Variants in CNBD2 observed in about 807,000 individuals in gnomAD.
The protein encoded by CNBD2 is cyclic nucleotide-binding domain-containing protein 2.
In CNBD2, 64 loss-of-function variants were observed where a neutral mutation model predicts 63.7. That is an observed-to-expected ratio of 1.00 (90% CI 0.82 to 1.24). CNBD2 has a LOEUF of 1.24. Ranked by LOEUF, CNBD2 falls within the 50% of genes most tolerant of loss-of-function variation. CNBD2 has a pLI of 0.00. For missense variants in CNBD2, 691 were observed against 713.5 expected (o/e 0.97, Z 0.36); for synonymous variants, 229 against 255.4 (o/e 0.90, Z 0.99).
rs147001245 is a variant in CNBD2 at position 35,987,667 on chromosome 20, T to C, written c.855+134T>C. ...ATTCACTTCCTTCTCAGAGTTTCCA[T>C]GTCCCAGCTGTAAGAGGCCTGCCTC... is the stretch of plus-strand genomic sequence containing the variant. On this transcript the variant is annotated intron_variant, in intron 7 of 11. Coordinates refer to ENST00000373973, the MANE Select transcript of CNBD2 (RefSeq NM_001365709.1). The C allele has an allele frequency of 9.6e-4, 951 of 985,904 alleles. 9 individuals carry two copies. In the African/African-American group the frequency reaches 0.014, roughly 14 times the overall value. The allele number at this position is 985,904 out of a possible 1,614,324, so 61.1% of individuals were successfully genotyped here. A position where few individuals can be genotyped will look rare whatever the true frequency, so the allele number is the denominator to read the frequency against.
At chr20:35,964,341 C>T (rs914647887), upstream of CNBD2, among the ~76,000 whole-genome samples, 14 of 152,048 alleles carry the variant, frequency 9.2e-5, no homozygotes, top group African/African-American at 1.4e-4. Context: ...CCACCATGCC[C>T]GGCTAATTTT....
chr20:35,963,591 G>A (rs1207301965), upstream of CNBD2, among the ~76,000 whole-genome samples: 3 of 151,446 alleles, frequency 2.0e-5, no homozygotes, highest in African/African-American at 7.3e-5. Context: ...CAGTAAGCCA[G>A]GGTCGTGCCA....
At chr20:36,024,794 G>A (rs2057263813) in intron 11 of CNBD2, among the ~76,000 whole-genome samples, 1 of 151,994 alleles carries the variant, frequency 6.6e-6, no homozygotes, top group Non-Finnish European at 1.5e-5. Context: ...ACACCACCGG[G>A]TGTGGTGGCG....
chr20:36,023,289 C>T (rs1233825702), intron 10 of CNBD2, among the ~76,000 whole-genome samples: 1 of 152,258 alleles, frequency 6.6e-6, no homozygotes, highest in Middle Eastern at 3.4e-3. Context: ...CTTTGGGAGA[C>T]CGAGGCGGGT....
chr20:36,006,914 G>A (rs927998475), intron 8 of CNBD2, among the ~76,000 whole-genome samples: 10 of 152,122 alleles, frequency 6.6e-5, no homozygotes, highest in South Asian at 2.1e-4. Context: ...TACAGGCCAG[G>A]CATGGTGGCT....
intron 2 of CNBD2, among the ~76,000 whole-genome samples, chr20:35,962,525 G>A (rs2056316812): frequency 6.6e-6 from 1 of 152,130 alleles, no homozygotes; most frequent in African/African-American, 2.4e-5. Context: ...CTCCCAAAGT[G>A]CTGGGATTAC....
intron 2 of CNBD2, among the ~76,000 whole-genome samples, chr20:35,962,383 C>T (rs1332736671): frequency 5.3e-5 from 8 of 151,992 alleles, no homozygotes; most frequent in East Asian, 3.9e-4. Flanking sequence ...CTCAGCCTCC[C>T]GAGTAGCTGG....
chr20:35,998,412 A>G (rs2056854864), intron 8 of CNBD2, among the ~76,000 whole-genome samples: 1 of 152,142 alleles, frequency 6.6e-6, no homozygotes, highest in Admixed American at 6.5e-5. Context: ...AACTTGTTTT[A>G]TGGTCCAGAA....
At chr20:36,026,129 G>A (rs1048439292) in intron 11 of CNBD2, among the ~76,000 whole-genome samples, 6 of 152,072 alleles carry the variant, frequency 3.9e-5, no homozygotes, top group African/African-American at 1.4e-4. Context: ...TGCCTCCCGG[G>A]CTCAAGTGAT....
chr20:35,954,468 C>T (rs779165480), upstream of CNBD2: 1 of 1,547,604 alleles, frequency 6.5e-7, no homozygotes, highest in South Asian at 1.2e-5. Context: ...GAAGCGCCTG[C>T]GGCAGCCGGA....
chr20:35,957,734 G>A (rs1330884976), downstream of CNBD2: 1 of 152,202 alleles, frequency 6.6e-6, no homozygotes, highest in African/African-American at 2.4e-5. Context: ...GAGAAACCAA[G>A]ATGTCAGAAG....
chr20:35,958,443 T>C (rs2056278825), downstream of CNBD2, among the ~76,000 whole-genome samples: 1 of 152,070 alleles, frequency 6.6e-6, no homozygotes. Flanking sequence ...AAAAAATAAA[T>C]AAGTTTTTTA....
intron 7 of CNBD2, among the ~76,000 whole-genome samples, chr20:35,991,877 C>G (rs1054083287): frequency 6.6e-6 from 1 of 151,842 alleles, no homozygotes; most frequent in Non-Finnish European, 1.5e-5. Context: ...CTCATTTCTT[C>G]TTCTTTTATT....
At chr20:35,958,731 C>T (rs1011285564), downstream of CNBD2, 1 of 152,160 alleles carries the variant, frequency 6.6e-6, no homozygotes, top group Non-Finnish European at 1.5e-5. Flanking sequence ...TGTCTGATCA[C>T]CACAGAGATC....
chr20:36,006,604 A>G (rs984008953), intron 8 of CNBD2, among the ~76,000 whole-genome samples: 2 of 152,028 alleles, frequency 1.3e-5, no homozygotes, highest in East Asian at 3.9e-4. Flanking sequence ...TTTTGTAGAG[A>G]CGGGGGTTTG....
At chr20:35,960,625 T>C (rs2056298758) in intron 2 of CNBD2, among the ~76,000 whole-genome samples, 1 of 152,180 alleles carries the variant, frequency 6.6e-6, no homozygotes, top group African/African-American at 2.4e-5. Flanking sequence ...AGTGCTGGGA[T>C]TACAGGCGTG....
rs781431539 is a variant in CNBD2 at position 36,030,649 on chromosome 20, T to C, written c.*1T>C. 74 of 1,613,876 alleles carry C rather than the reference T, an allele frequency of 4.6e-5. No individual in the cohort carries two copies. Among genetic ancestry groups the C allele is most frequent in the Middle Eastern group, 1.6e-4 (1 of 6,084 alleles). On this transcript the variant is annotated 3_prime_UTR_variant, in exon 12 of 12. Coordinates refer to ENST00000373973, the MANE Select transcript of CNBD2 (RefSeq NM_001365709.1). ...CAAAATCCGAGAACTCTTGGCTTAG[T>C]GTAAGAGCACAGGGGTCCTTATTTA...
At chr20:35,954,618 C>T (rs1370354983), upstream of CNBD2, 3 of 1,348,060 alleles carry the variant, frequency 2.2e-6, no homozygotes, top group African/African-American at 1.5e-5. Context: ...GGAGGGCGAG[C>T]TGCGCGTGGC....
At chr20:36,013,948 G>A (rs1003520995) in intron 10 of CNBD2, among the ~76,000 whole-genome samples, 1 of 152,058 alleles carries the variant, frequency 6.6e-6, no homozygotes. Flanking sequence ...TTGGGAGGCC[G>A]AGGAGGGCGG....
Sources: allele counts gnomAD v4.1 joint callset (sites outside exome capture counted in the v4.1 genomes callset), GRCh38; gene constraint gnomAD v4.1.1; transcripts MANE v1.5; gene names NCBI Gene and HGNC (gene_info 2026-07-23, HGNC 2026-07-21).